MMP26: variants seen among roughly 807,000 people sequenced by gnomAD.
MMP26 encodes the protein matrix metalloproteinase-26.
Under a neutral mutation model 31.0 loss-of-function variants are expected in MMP26, and 33 were observed. The ratio of observed to expected loss-of-function variants is 1.06; its 90% CI spans 0.81 to 1.42. The LOEUF is 1.42. Ranked by LOEUF, MMP26 falls within the 40% of genes most tolerant of loss-of-function variation. The probability of loss-of-function intolerance (pLI) is 0.00; values close to 1 mark genes in which losing one functional copy is unlikely to be tolerated. For missense variants in MMP26, 347 were observed against 316.1 expected, an observed-to-expected ratio of 1.10 and a Z score of -0.74; for synonymous variants, 122 against 114.9, an observed-to-expected ratio of 1.06 and a Z score of -0.40.
intron 2 of MMP26, among the ~76,000 whole-genome samples, chr11:4,899,084 A>G (rs530510582): frequency 6.6e-6 from 1 of 152,262 alleles, no homozygotes; most frequent in South Asian, 2.1e-4. Context: ...GCTCACCAAC[A>G]AGGGTTATAA....
chr11:4,708,766 A>C (rs1296508310), intron 1 of MMP26, among the ~76,000 whole-genome samples: 1 of 151,340 alleles, frequency 6.6e-6, no homozygotes, highest in Non-Finnish European at 1.5e-5. Flanking sequence ...GCCCTTTTGC[A>C]GAAATGGAAA....
chr11:4,979,381 A>C (rs1305796719), intron 2 of MMP26, among the ~76,000 whole-genome samples: 1 of 152,162 alleles, frequency 6.6e-6, no homozygotes, highest in Non-Finnish European at 1.5e-5. Flanking sequence ...AGGGATTGAC[A>C]GTCACTTGTT....
chr11:4,891,031 A>G (rs1346839333), intron 2 of MMP26, among the ~76,000 whole-genome samples: 2 of 149,552 alleles, frequency 1.3e-5, no homozygotes, highest in African/African-American at 4.9e-5. Context: ...TAATAAAAGT[A>G]AAAGGACTGG....
chr11:4,807,483 T>C (rs1849287177), intron 2 of MMP26, among the ~76,000 whole-genome samples: 1 of 152,136 alleles, frequency 6.6e-6, no homozygotes, highest in African/African-American at 2.4e-5. Flanking sequence ...TGGATGAAGC[T>C]GGAAACCATC....
At chr11:4,920,427 AT>A (rs1851166830) in intron 2 of MMP26, among the ~76,000 whole-genome samples, 2 of 152,068 alleles carry the variant, frequency 1.3e-5, no homozygotes, top group African/African-American at 2.4e-5. Flanking sequence ...TTCCAGCTTA[AT>A]TTCTTCCAAC....
intron 2 of MMP26, among the ~76,000 whole-genome samples, chr11:4,961,524 A>G (rs917445073): frequency 2.0e-5 from 3 of 152,212 alleles, no homozygotes; most frequent in Non-Finnish European, 4.4e-5. Flanking sequence ...TTAAGTCCAC[A>G]AGTTCACCCC....
intron 2 of MMP26, among the ~76,000 whole-genome samples, chr11:4,868,707 GA>G (rs1344051208): frequency 6.6e-6 from 1 of 152,038 alleles, no homozygotes; most frequent in African/African-American, 2.4e-5. Context: ...CACAGAATTG[GA>G]AAAAACTACT....
chr11:4,758,329 T>A (rs1342083587), intron 1 of MMP26, among the ~76,000 whole-genome samples: 2 of 152,064 alleles, frequency 1.3e-5, no homozygotes, highest in Non-Finnish European at 2.9e-5. Context: ...GCAGTGTTTG[T>A]CTCTGAGACA....
At chr11:4,961,295 T>C (rs1005543879) in intron 2 of MMP26, among the ~76,000 whole-genome samples, 1 of 152,206 alleles carries the variant, frequency 6.6e-6, no homozygotes, top group Admixed American at 6.5e-5. Flanking sequence ...AAGTCTGTCC[T>C]AGCTTTCAGT....
chr11:4,814,789 T>C (rs1849398120), intron 2 of MMP26, among the ~76,000 whole-genome samples: 1 of 152,150 alleles, frequency 6.6e-6, no homozygotes, highest in Non-Finnish European at 1.5e-5. Flanking sequence ...CTCTAAACAT[T>C]AATAAAAATG....
rs1846327969 is a variant in MMP26, at chr11:4,947,330, G to A, written c.-144-40738G>A. Among the ~76,000 whole-genome samples, 2 of 124,886 alleles carry A rather than the reference G, an allele frequency of 1.6e-5. 1 individual carries two copies. The highest frequency in any genetic ancestry group is 3.6e-5 in the Non-Finnish European group (2 of 55,146). 81.9% of individuals were successfully genotyped at this position (124,886 alleles called of 152,430 possible). ...CATTGGAAAAATTATTTCTGGACAT[G>A]TTATTTCTATAGAGAATCCAGATTT... On this transcript the variant is annotated intron_variant, in intron 2 of 7. Coordinates refer to ENST00000380390, the MANE Select transcript of MMP26 (RefSeq NM_021801.5).
intron 2 of MMP26, among the ~76,000 whole-genome samples, chr11:4,987,786 T>G (rs2133648304): frequency 6.6e-6 from 1 of 152,320 alleles, no homozygotes; most frequent in South Asian, 2.1e-4. Context: ...TCCCTTGATT[T>G]TATTCTTTTT....
intron 2 of MMP26, among the ~76,000 whole-genome samples, chr11:4,956,306 C>G (rs1846442084): frequency 6.6e-6 from 1 of 152,202 alleles, no homozygotes; most frequent in African/African-American, 2.4e-5. Flanking sequence ...TAACCAGTGG[C>G]TCTCGGGTCA....
At chr11:4,814,217 T>C (rs1442908479) in intron 2 of MMP26, among the ~76,000 whole-genome samples, 1 of 152,154 alleles carries the variant, frequency 6.6e-6, no homozygotes, top group Non-Finnish European at 1.5e-5. Context: ...AAACTAGACC[T>C]CCTTTTGAGC....
chr11:4,821,313 T>C, intron 2 of MMP26: 1 of 1,230,248 alleles, frequency 8.1e-7, no homozygotes, highest in South Asian at 1.4e-5. Flanking sequence ...AAATTAGAAA[T>C]AATAACTCAG....
intron 2 of MMP26, among the ~76,000 whole-genome samples, chr11:4,983,167 C>T (rs1846839049): frequency 6.6e-6 from 1 of 152,118 alleles, no homozygotes; most frequent in Non-Finnish European, 1.5e-5. Context: ...AGAAAATATA[C>T]ACTTTCTATG....
chr11:4,759,922 C>G (rs1848552425), intron 1 of MMP26, among the ~76,000 whole-genome samples: 1 of 152,170 alleles, frequency 6.6e-6, no homozygotes, highest in Non-Finnish European at 1.5e-5. Context: ...CAGTCGGCCT[C>G]TCGCTAGTCA....
chr11:4,981,882 G>T (rs80240048), intron 2 of MMP26, among the ~76,000 whole-genome samples: 7,465 of 150,592 alleles, frequency 0.05, 628 homozygotes, highest in African/African-American at 0.17. Flanking sequence ...ACATTGCCTA[G>T]GCCTACACAG....
chr11:4,718,653 C>G (rs1012531585), intron 1 of MMP26: 1 of 154,892 alleles, frequency 6.5e-6, no homozygotes, highest in Non-Finnish European at 1.5e-5. Context: ...CCATCATTTT[C>G]CTGCTCCCTG....
Sources: gnomAD v4.1 joint callset for allele counts (sites outside exome capture counted in the v4.1 genomes callset) on GRCh38, gnomAD v4.1.1 for gene constraint, MANE v1.5 for transcripts, NCBI Gene and HGNC (gene_info 2026-07-23, HGNC 2026-07-21) for gene names.